DTWD2: variants seen among roughly 807,000 people sequenced by gnomAD.
The protein encoded by DTWD2 is DTW motif tRNA-uridine aminocarboxypropyltransferase 2.
Under a neutral mutation model 31.8 loss-of-function variants are expected in DTWD2, and 39 were observed. That is an observed-to-expected ratio of 1.22 (90% CI 0.95 to 1.60). The LOEUF (loss-of-function observed/expected upper bound fraction) is 1.60. Ranked by LOEUF, DTWD2 falls within the 40% of genes most tolerant of loss-of-function variation. DTWD2 has a pLI of 0.00. For missense variants in DTWD2, 515 were observed against 381.5 expected (o/e 1.35, Z -2.92); for synonymous variants, 180 against 142.8 (o/e 1.26, Z -1.86).
chr5:118,925,316 C>T (rs771824135), intron 4 of DTWD2, among the ~76,000 whole-genome samples: 2 of 151,910 alleles, frequency 1.3e-5, no homozygotes, highest in Non-Finnish European at 2.9e-5. Flanking sequence ...AACTTAAAAG[C>T]AATAGTATGA....
chr5:118,864,751 A>T (rs1752346148), intron 4 of DTWD2, among the ~76,000 whole-genome samples: 1 of 151,914 alleles, frequency 6.6e-6, no homozygotes. Context: ...AAAAATATCA[A>T]AGTAGATAAA....
chr5:118,847,243 AG>A (rs1751879202), intron 5 of DTWD2, among the ~76,000 whole-genome samples: 1 of 152,114 alleles, frequency 6.6e-6, no homozygotes, highest in Non-Finnish European at 1.5e-5. Context: ...GAAAGAAAGA[AG>A]GCAGGAAAGA....
intron 4 of DTWD2, among the ~76,000 whole-genome samples, chr5:118,911,945 A>G (rs1359996328): frequency 2.0e-5 from 3 of 152,230 alleles, no homozygotes; most frequent in Non-Finnish European, 4.4e-5. Flanking sequence ...ACAAGGGGGC[A>G]AAGGAACTGA....
At chr5:118,946,518 A>C (rs1006517020) in intron 1 of DTWD2, among the ~76,000 whole-genome samples, 3 of 152,204 alleles carry the variant, frequency 2.0e-5, no homozygotes, top group Non-Finnish European at 4.4e-5. Context: ...CAAAACCAAA[A>C]ACTAAAATGA....
At chr5:118,894,242 T>G (rs1053908713) in intron 4 of DTWD2, among the ~76,000 whole-genome samples, 3 of 152,114 alleles carry the variant, frequency 2.0e-5, no homozygotes, top group Non-Finnish European at 4.4e-5. Flanking sequence ...TAAATCTGAT[T>G]AGAAAAGGCC....
intron 4 of DTWD2, among the ~76,000 whole-genome samples, chr5:118,881,720 A>C (rs1760072938): frequency 6.6e-6 from 1 of 152,146 alleles, no homozygotes. Flanking sequence ...GGAGAGAGAG[A>C]GAGCACAATA....
chr5:118,853,363 A>G (rs994849909), intron 4 of DTWD2, among the ~76,000 whole-genome samples: 3 of 152,234 alleles, frequency 2.0e-5, no homozygotes, highest in Non-Finnish European at 4.4e-5. Flanking sequence ...AAATGAAAAT[A>G]GAACCACCAT....
rs1391009492 is a variant in DTWD2, at chr5:118,985,515, T to TACAC, written c.218+2778_218+2779insGTGT. On this transcript the variant is annotated intron_variant, in intron 1 of 5. Transcript: ENST00000510708. ...TTATATATATATATATATATATATA[T>TACAC]ATACACACACATATATACATACATA... 5.1e-4 allele frequency among the ~76,000 whole-genome samples: 68 copies of TACAC among 132,046 alleles called. 2 individuals carry two copies. Among genetic ancestry groups the TACAC allele is most frequent in the African/African-American group, 2.1e-3 (67 of 31,566 alleles). The allele number at this position is 132,046 out of a possible 152,430, so 86.6% of individuals were successfully genotyped here. A position where few individuals can be genotyped will look rare whatever the true frequency, so the allele number is the denominator to read the frequency against.
chr5:118,920,070 AC>A (rs1161260197), intron 4 of DTWD2, among the ~76,000 whole-genome samples: 1 of 151,378 alleles, frequency 6.6e-6, no homozygotes, highest in Non-Finnish European at 1.5e-5. Flanking sequence ...CCACCACCCC[AC>A]CTCCAGTCCA....
chr5:118,976,006 C>A (rs1483720332), intron 1 of DTWD2, among the ~76,000 whole-genome samples: 2 of 152,194 alleles, frequency 1.3e-5, no homozygotes, highest in African/African-American at 4.8e-5. Context: ...GACCACAGTG[C>A]AATCAAATTA....
chr5:118,965,320 G>A (rs1237096134), intron 1 of DTWD2, among the ~76,000 whole-genome samples: 3 of 147,330 alleles, frequency 2.0e-5, no homozygotes, highest in Middle Eastern at 4.1e-3. Flanking sequence ...GGGCGTCTCC[G>A]CTCAGCCGCC....
intron 4 of DTWD2, among the ~76,000 whole-genome samples, chr5:118,896,511 A>C (rs1753087752): frequency 6.6e-6 from 1 of 152,200 alleles, no homozygotes; most frequent in Non-Finnish European, 1.5e-5. Context: ...GAGCCAAAAA[A>C]AGATGTAACA....
chr5:118,869,290 T>C (rs930904495), intron 4 of DTWD2, among the ~76,000 whole-genome samples: 1 of 152,060 alleles, frequency 6.6e-6, no homozygotes, highest in Non-Finnish European at 1.5e-5. Flanking sequence ...GGACAGAAAA[T>C]AGCTGGTGAG....
At chr5:118,867,174 A>T (rs552274688) in intron 4 of DTWD2, among the ~76,000 whole-genome samples, 1 of 152,292 alleles carries the variant, frequency 6.6e-6, no homozygotes, top group African/African-American at 2.4e-5. Flanking sequence ...GCATATTACA[A>T]AATAGAATAA....
chr5:118,945,683 T>A (rs140642828), intron 1 of DTWD2, among the ~76,000 whole-genome samples: 1,727 of 150,886 alleles, frequency 0.011, 32 homozygotes, highest in African/African-American at 0.04. Context: ...GAGAGTTGCT[T>A]GAACCCAGGA....
chr5:118,974,277 C>T (rs942025335), intron 1 of DTWD2, among the ~76,000 whole-genome samples: 1 of 152,128 alleles, frequency 6.6e-6, no homozygotes, highest in Non-Finnish European at 1.5e-5. Flanking sequence ...GACACGCGCT[C>T]TCCACCACCC....
Position 118,941,725 on chromosome 5 carries a change from C to A in DTWD2, c.310-2435G>T, listed in dbSNP as rs536514917. ...GGGATGGCTGGGTCAAATGGTATTT[C>A]TAGTTCTAGATCCCTGAGGAATCGC... On this transcript the variant is annotated intron_variant, in intron 2 of 5. Coordinates refer to ENST00000510708, the MANE Select transcript of DTWD2 (RefSeq NM_173666.4). Among the ~76,000 whole-genome samples the A allele has an allele frequency of 8.5e-5, 13 of 152,328 alleles. No homozygotes were observed. In the East Asian group the frequency reaches 2.3e-3, roughly 27 times the overall value.
intron 4 of DTWD2, among the ~76,000 whole-genome samples, chr5:118,869,615 G>A (rs756223919): frequency 5.3e-5 from 8 of 152,068 alleles, no homozygotes; most frequent in Non-Finnish European, 7.4e-5. Context: ...AGTAAATCAG[G>A]AAATCCAAAG....
At chr5:118,860,163 A>T (rs1201999000) in intron 4 of DTWD2, among the ~76,000 whole-genome samples, 1 of 149,924 alleles carries the variant, frequency 6.7e-6, no homozygotes, top group Non-Finnish European at 1.5e-5. Context: ...TATATTAGTT[A>T]TACTGCTATA....
Sources: allele counts gnomAD v4.1 joint callset (sites outside exome capture counted in the v4.1 genomes callset), GRCh38; gene constraint gnomAD v4.1.1; transcripts MANE v1.5; gene names NCBI Gene and HGNC (gene_info 2026-07-23, HGNC 2026-07-21).